Variants in ZNF92 observed in about 807,000 individuals in gnomAD.
The protein encoded by ZNF92 is epididymis luminal protein 203.
ZNF92 carries 11 observed loss-of-function variants against 12.4 expected under a neutral mutation model. That is an observed-to-expected ratio of 0.89 (90% CI 0.56 to 1.47). The LOEUF (loss-of-function observed/expected upper bound fraction) is 1.47, where lower values mean the gene tolerates loss of function less well. Among genes scored for constraint, ZNF92 ranks in the 40% most tolerant of loss-of-function variants. The pLI is 0.00. For missense variants in ZNF92, 622 were observed against 681.0 expected, an observed-to-expected ratio of 0.91 and a Z score of 0.96; for synonymous variants, 206 against 228.6, an observed-to-expected ratio of 0.90 and a Z score of 0.89.
chr7:65,374,030 G>T, intron 1 of ZNF92, 30 bp downstream of exon 1: 1 of 1,614,064 alleles, frequency 6.2e-7, no homozygotes, highest in Non-Finnish European at 8.5e-7. Context: ...CATCCCGAGA[G>T]AGGGGGAGGG....
At chr7:65,396,994 A>T (rs1218999181) in intron 3 of ZNF92, among the ~76,000 whole-genome samples, 1 of 151,828 alleles carries the variant, frequency 6.6e-6, no homozygotes, top group Non-Finnish European at 1.5e-5. Flanking sequence ...TTTATCTTCA[A>T]GTATCCTCTG....
At chr7:65,396,821 A>C (rs1026380577) in intron 3 of ZNF92, among the ~76,000 whole-genome samples, 1 of 152,118 alleles carries the variant, frequency 6.6e-6, no homozygotes, top group Non-Finnish European at 1.5e-5. Flanking sequence ...CTCACCATGT[A>C]GCATTTCCTG....
Position 65,375,706 on chromosome 7 carries a change from G to T in ZNF92, c.3+1706G>T, listed in dbSNP as rs112471137. Among the ~76,000 whole-genome samples the T allele has an allele frequency of 9.7e-3, 1,468 of 151,846 alleles. 26 individuals carry two copies. The highest frequency in any genetic ancestry group is 0.034 in the African/African-American group (1,393 of 41,432). ...CTACTAAAATACAAAAAATTAGCCA[G>T]GCATGGTGGTGCATGCCTGTAATCC... On this transcript the variant is annotated intron_variant, in intron 1 of 3. Coordinates refer to ENST00000328747, the MANE Select transcript of ZNF92 (RefSeq NM_152626.4).
chr7:65,390,697 T>G (rs1438483296), intron 3 of ZNF92, among the ~76,000 whole-genome samples: 2 of 152,136 alleles, frequency 1.3e-5, no homozygotes, highest in East Asian at 1.9e-4. Flanking sequence ...TGAGTGTGGC[T>G]TTCACTGAGT....
intron 1 of ZNF92, among the ~76,000 whole-genome samples, chr7:65,376,318 GAC>G (rs1388865730): frequency 6.6e-6 from 1 of 152,032 alleles, no homozygotes; most frequent in Non-Finnish European, 1.5e-5. Context: ...TGAAAGGTAA[GAC>G]ATATTTACAA....
chr7:65,395,925 T>G (rs1202710970), intron 3 of ZNF92, among the ~76,000 whole-genome samples: 1 of 138,714 alleles, frequency 7.2e-6, no homozygotes, highest in Non-Finnish European at 1.5e-5. Flanking sequence ...TATTTATTTA[T>G]TTTTGAGATA....
chr7:65,397,045 A>G (rs1192442867), intron 3 of ZNF92, among the ~76,000 whole-genome samples: 2 of 151,402 alleles, frequency 1.3e-5, no homozygotes, highest in Non-Finnish European at 2.9e-5. Context: ...GATTTCTCCC[A>G]TGAATATATT....
chr7:65,395,018 T>C (rs1793810880), intron 3 of ZNF92, among the ~76,000 whole-genome samples: 1 of 152,158 alleles, frequency 6.6e-6, no homozygotes, highest in African/African-American at 2.4e-5. Context: ...TTCTTTTAAT[T>C]CCTAGTTTCT....
At chr7:65,374,073 G>T (rs1793166339) in intron 1 of ZNF92, 73 bp downstream of exon 1, 2 of 1,599,216 alleles carry the variant, frequency 1.3e-6, no homozygotes, top group Admixed American at 1.7e-5. Context: ...TGGCTGTGGC[G>T]GGCCTCGGGC....
intron 3 of ZNF92, among the ~76,000 whole-genome samples, chr7:65,393,457 C>A (rs1179781006): frequency 6.6e-6 from 1 of 151,760 alleles, no homozygotes; most frequent in African/African-American, 2.4e-5. Context: ...AATACTGGTA[C>A]AATAAACATA....
intron 1 of ZNF92, among the ~76,000 whole-genome samples, chr7:65,385,264 T>C (rs1482436727): frequency 6.6e-6 from 1 of 152,116 alleles, no homozygotes. Flanking sequence ...TATCAGTGCT[T>C]GAGAGATAAT....
chr7:65,396,120 G>A (rs189812017), intron 3 of ZNF92, among the ~76,000 whole-genome samples: 98 of 152,082 alleles, frequency 6.4e-4, no homozygotes, highest in Middle Eastern at 3.4e-3. Context: ...CCATGTTGCT[G>A]AGGCTGGTCT....
intron 1 of ZNF92, among the ~76,000 whole-genome samples, chr7:65,385,129 C>T (rs868136515): frequency 6.6e-6 from 1 of 152,114 alleles, no homozygotes. Flanking sequence ...TAATAATGAG[C>T]GCAGGGGGAG....
chr7:65,389,661 CAT>C lies in ZNF92; in HGVS notation c.226+761_226+762del, dbSNP rs1279535700. On this transcript the variant is annotated intron_variant, in intron 3 of 3. Transcript: ENST00000328747. ...CCTCCCGAGTAGCTGGGACTATAGGCATGCACCACCACGTCCAGCTAATTTTT... is the reference window on the plus strand; with the variant it reads ...CCTCCCGAGTAGCTGGGACTATAGGCGCACCACCACGTCCAGCTAATTTTT... Among the ~76,000 whole-genome samples the C allele has an allele frequency of 3.9e-3, 587 of 151,610 alleles. 2 individuals carry two copies. The highest frequency in any genetic ancestry group is 6.6e-3 in the Admixed American group (101 of 15,238).
intron 1 of ZNF92, among the ~76,000 whole-genome samples, chr7:65,385,963 A>G (rs1311197801): frequency 6.6e-6 from 1 of 151,880 alleles, no homozygotes; most frequent in Non-Finnish European, 1.5e-5. Context: ...TTCCTCCCTA[A>G]TGAGTTTGTT....
intron 1 of ZNF92, among the ~76,000 whole-genome samples, chr7:65,383,838 G>A (rs528977707): frequency 9.2e-5 from 14 of 152,188 alleles, no homozygotes; most frequent in African/African-American, 3.4e-4. Flanking sequence ...GCTTACTACT[G>A]GGCCATCAGC....
At position 65,399,342 on chromosome 7, in the gene ZNF92, T is replaced by A; in HGVS notation, c.1228T>A (p.Ser410Thr). 1.2e-6 allele frequency: 2 copies of A among 1,613,572 alleles called. No homozygotes were observed. Among genetic ancestry groups the A allele is most frequent in the African/African-American group, 2.7e-5 (2 of 74,956 alleles). The change falls in exon 4 of 4, where the codon TCA becomes ACA. Residue 410 changes from serine to threonine, a missense_variant. By Grantham distance (58) the Ser-to-Thr change is moderately conservative. Transcript: ENST00000328747. ...ATGTGGCAAAGCTTTTAAACAGTCC[T>A]CAACCCTTACTGAACATAAGATAAT... Reference protein sequence around the residue: ...EECGKAFKQSSTLTEHKIIHT... With the variant: ...EECGKAFKQSTTLTEHKIIHT...
chr7:65,379,206 A>G (rs1222108486), intron 1 of ZNF92, among the ~76,000 whole-genome samples: 2 of 152,144 alleles, frequency 1.3e-5, no homozygotes, highest in African/African-American at 2.4e-5. Flanking sequence ...GGCAGTGAAG[A>G]CAGTGTTGTG....
intron 1 of ZNF92, among the ~76,000 whole-genome samples, chr7:65,377,939 A>G (rs1793292495): frequency 6.6e-6 from 1 of 152,186 alleles, no homozygotes; most frequent in Non-Finnish European, 1.5e-5. Context: ...GTATTGCAAC[A>G]GGAGGAAGTA....
Sources: gnomAD v4.1 joint callset for allele counts (sites outside exome capture counted in the v4.1 genomes callset) on GRCh38, gnomAD v4.1.1 for gene constraint, MANE v1.5 for transcripts, NCBI Gene and HGNC (gene_info 2026-07-23, HGNC 2026-07-21) for gene names.